ZDHHC15: variants seen among roughly 807,000 people sequenced by gnomAD.
The protein encoded by ZDHHC15 is palmitoyltransferase ZDHHC15.
Under a neutral mutation model 31.7 loss-of-function variants are expected in ZDHHC15, and 19 were observed. The observed-to-expected ratio is 0.60, with a 90% CI of 0.42 to 0.88. ZDHHC15 has a LOEUF of 0.88. ZDHHC15 is among the 40% of genes least tolerant of loss of function. The pLI, the probability that ZDHHC15 is intolerant of heterozygous loss-of-function variation, is 0.00. For synonymous variants in ZDHHC15, 103 were observed against 90.0 expected, an observed-to-expected ratio of 1.14 and a Z score of -0.82; for missense variants, 209 against 251.2, an observed-to-expected ratio of 0.83 and a Z score of 1.14.
rs185818474 is a variant in ZDHHC15, at chrX:75,383,689, G to A, written c.968-4491C>T. 6.8e-5 allele frequency among the ~76,000 whole-genome samples: 7 copies of A among 102,762 alleles called. No homozygotes were observed. The East Asian group carries it at 9.3e-4, about 14-fold the overall frequency. The allele number at this position is 102,762 out of a possible 115,157, so 89.2% of individuals were successfully genotyped here. On this transcript the variant is annotated intron_variant, in intron 10 of 11. Coordinates refer to ENST00000373367, the MANE Select transcript of ZDHHC15 (RefSeq NM_144969.3). ...TGTGTTTTGTTAGGCAGCTTTCCAC[G>A]TATGTATTTTATCACCCCCACTACC...
intron 3 of ZDHHC15, among the ~76,000 whole-genome samples, chrX:75,477,117 G>C (rs957449118): frequency 4.5e-5 from 5 of 110,767 alleles, no homozygotes; most frequent in Non-Finnish European, 9.5e-5. Flanking sequence ...TTTCCCTTAT[G>C]CTGTCTTATT....
chrX:75,465,403 T>G (rs1037411326), intron 3 of ZDHHC15, among the ~76,000 whole-genome samples: 2 of 111,973 alleles, frequency 1.8e-5, no homozygotes, highest in East Asian at 5.6e-4. Flanking sequence ...ATGGATTGAA[T>G]GCTATTCCCA....
Position 75,522,893 on chromosome X carries a change from G to A in ZDHHC15, c.132C>T (p.Cys44=), listed in dbSNP as rs145309884. Residue 44 remains cysteine (C), a synonymous_variant, in exon 1 of 12, where the codon TGC becomes TGT. Transcript: ENST00000373367. ...TAGGTGCCCAGCCCCACTTACCCAG[G>A]CAGAGTTCAAAGACGTAGGCATAGT... ...WSYYAYVFEL[C]LVTVLSPAEK... 17 of 1,209,713 alleles carry A rather than the reference G, an allele frequency of 1.4e-5. No homozygotes were observed. The African/African-American group carries it at 1.6e-4, about 11-fold the overall frequency.
chrX:75,470,417 C>A (rs755759453), intron 3 of ZDHHC15, among the ~76,000 whole-genome samples: 2 of 110,681 alleles, frequency 1.8e-5, no homozygotes, highest in African/African-American at 3.3e-5. Flanking sequence ...TTGTGAGAGG[C>A]GAGGAGTTTA....
chrX:75,462,403 C>A (rs766351356), intron 3 of ZDHHC15, among the ~76,000 whole-genome samples: 2 of 112,322 alleles, frequency 1.8e-5, no homozygotes, highest in Non-Finnish European at 3.8e-5. Flanking sequence ...AGAACCCGAA[C>A]ACATCTCTGG....
chrX:75,466,221 C>A (rs772132459), intron 3 of ZDHHC15, among the ~76,000 whole-genome samples: 1 of 111,986 alleles, frequency 8.9e-6, no homozygotes, highest in Non-Finnish European at 1.9e-5. Flanking sequence ...GATTATTAAA[C>A]ACAAATCAAA....
chrX:75,500,260 A>G (rs907067993), intron 2 of ZDHHC15, among the ~76,000 whole-genome samples: 2 of 109,224 alleles, frequency 1.8e-5, no homozygotes, highest in Non-Finnish European at 3.8e-5. Flanking sequence ...CTCCCCCAAA[A>G]CTATTGAAAT....
At chrX:75,436,156 A>T (rs2083848860) in intron 4 of ZDHHC15, among the ~76,000 whole-genome samples, 1 of 111,441 alleles carries the variant, frequency 9.0e-6, no homozygotes, top group Non-Finnish European at 1.9e-5. Flanking sequence ...GCCTTGAATG[A>T]TCTTTTGTAT....
intron 1 of ZDHHC15, among the ~76,000 whole-genome samples, chrX:75,514,684 G>T (rs773467990): frequency 1.8e-5 from 2 of 111,324 alleles, no homozygotes; most frequent in African/African-American, 3.3e-5. Context: ...GGACACTCCC[G>T]CCCTAATACT....
chrX:75,420,782 C>T (rs2147842167), intron 9 of ZDHHC15, among the ~76,000 whole-genome samples: 1 of 110,530 alleles, frequency 9.0e-6, no homozygotes, highest in Non-Finnish European at 1.9e-5. Flanking sequence ...GGGAGGGGAA[C>T]ATCACACACC....
intron 2 of ZDHHC15, among the ~76,000 whole-genome samples, chrX:75,486,258 GA>G (rs1195415412): frequency 8.9e-6 from 1 of 111,840 alleles, no homozygotes; most frequent in Non-Finnish European, 1.9e-5. Flanking sequence ...AAAAGTCGAA[GA>G]AGCAGTGGGA....
At chrX:75,404,080 ATGAACATGTGGTCTT>A (rs2083385284) in intron 10 of ZDHHC15, among the ~76,000 whole-genome samples, 1 of 111,883 alleles carries the variant, frequency 8.9e-6, no homozygotes, top group Non-Finnish European at 1.9e-5. Flanking sequence ...CTGCACATCT[ATGAACATGTGGTCTT>A]TGACAAAGCT....
At chrX:75,444,598 C>T (rs762788458) in intron 4 of ZDHHC15, among the ~76,000 whole-genome samples, 5 of 87,769 alleles carry the variant, frequency 5.7e-5, no homozygotes, top group South Asian at 7.0e-4. Flanking sequence ...GCACATGTAC[C>T]GTACAACTTA....
At chrX:75,505,794 T>C (rs1302694950) in intron 2 of ZDHHC15, 27 bp downstream of exon 2, 1 of 1,208,206 alleles carries the variant, frequency 8.3e-7, no homozygotes, top group Non-Finnish European at 1.1e-6. Flanking sequence ...ACGGTCCTGA[T>C]CAATACAATT....
At position 75,429,681 on chromosome X, in the gene ZDHHC15, G is replaced by A. The variant is rs145998830; in HGVS notation, c.482+267C>T. Among the ~76,000 whole-genome samples, 362 of 111,884 alleles carry A rather than the reference G, an allele frequency of 3.2e-3. 1 individual carries two copies. The highest frequency in any genetic ancestry group is 0.011 in the African/African-American group (329 of 30,910). On this transcript the variant is annotated intron_variant, in intron 6 of 11. Transcript: ENST00000373367. ...TGTAATGTTAAAAGGAGAAATGTTTGTGCTGTATTTCATTACTATGCTCAA... is the reference window on the plus strand; with the variant it reads ...TGTAATGTTAAAAGGAGAAATGTTTATGCTGTATTTCATTACTATGCTCAA...
In ZDHHC15 at chrX:75,405,749, G is replaced by T. The variant is rs147842157; in HGVS notation, c.967+11338C>A. ...AGTTTAACACCCCATTTTCAGTAAA[G>T]GGAGTATCCTCCAGACAGAAAATCA... On this transcript the variant is annotated intron_variant, in intron 10 of 11. Coordinates refer to ENST00000373367, the MANE Select transcript of ZDHHC15 (RefSeq NM_144969.3). 7.9e-3 allele frequency among the ~76,000 whole-genome samples: 884 copies of T among 111,828 alleles called. 11 individuals carry two copies. The highest frequency in any genetic ancestry group is 0.026 in the African/African-American group (814 of 30,786).
intron 3 of ZDHHC15, among the ~76,000 whole-genome samples, chrX:75,476,715 C>A (rs1029871356): frequency 1.9e-5 from 2 of 104,446 alleles, no homozygotes; most frequent in East Asian, 6.0e-4. Flanking sequence ...CCTTCCCTCC[C>A]TTCTCCTCTC....
chrX:75,436,893 T>A (rs1232070924), intron 4 of ZDHHC15, among the ~76,000 whole-genome samples: 1 of 112,700 alleles, frequency 8.9e-6, no homozygotes, highest in Non-Finnish European at 1.9e-5. Context: ...TTTTGTTTTG[T>A]CTTTTTGAGA....
intron 1 of ZDHHC15, among the ~76,000 whole-genome samples, chrX:75,507,994 G>A (rs1420602287): frequency 1.8e-5 from 2 of 111,158 alleles, no homozygotes. Context: ...GGACACTGAA[G>A]AAATTCTACA....
Sources: allele counts gnomAD v4.1 joint callset (sites outside exome capture counted in the v4.1 genomes callset), GRCh38; gene constraint gnomAD v4.1.1; transcripts MANE v1.5; gene names NCBI Gene and HGNC (gene_info 2026-07-23, HGNC 2026-07-21).